Variants in PPP2R3A observed in about 807,000 individuals in gnomAD.
PPP2R3A encodes the protein protein phosphatase 2 regulatory subunit B''alpha, also known as serine/threonine-protein phosphatase 2A regulatory subunit B'' subunit alpha.
A neutral mutation model predicts 106.9 loss-of-function variants in PPP2R3A; 80 were observed. The ratio of observed to expected loss-of-function variants is 0.75; its 90% confidence interval spans 0.62 to 0.90. PPP2R3A has a LOEUF of 0.90. Among genes scored for constraint, PPP2R3A ranks in the 40% least tolerant of loss-of-function variants. The probability of loss-of-function intolerance (pLI) is 0.00; values close to 1 mark genes in which losing one functional copy is unlikely to be tolerated. For missense variants in PPP2R3A, 1,386 were observed against 1,350.4 expected (o/e 1.03, Z -0.41); for synonymous variants, 483 against 468.3 (o/e 1.03, Z -0.41).
intron 1 of PPP2R3A, among the ~76,000 whole-genome samples, chr3:135,966,093 G>C (rs1937073928): frequency 6.6e-6 from 1 of 152,070 alleles, no homozygotes. Context: ...CCGGGACACG[G>C]CACCAGGGAG....
At chr3:135,972,579 T>C in intron 1 of PPP2R3A, among the ~76,000 whole-genome samples, 1 of 152,220 alleles carries the variant, frequency 6.6e-6, no homozygotes, top group South Asian at 2.1e-4. Context: ...TTACATTTTT[T>C]CCAGCAATTT....
At chr3:136,128,527 C>G (rs1467814949) in intron 13 of PPP2R3A, among the ~76,000 whole-genome samples, 2 of 152,052 alleles carry the variant, frequency 1.3e-5, no homozygotes, top group African/African-American at 4.8e-5. Flanking sequence ...AGCAAGTTCT[C>G]AGAGACCTAC....
At chr3:136,086,338 C>T (rs566812689) in intron 8 of PPP2R3A, among the ~76,000 whole-genome samples, 46 of 152,028 alleles carry the variant, frequency 3.0e-4, no homozygotes, top group South Asian at 2.3e-3. Flanking sequence ...AAAAATTAGC[C>T]GGGTGTGGTG....
chr3:136,045,802 T>A (rs541295858), intron 4 of PPP2R3A, among the ~76,000 whole-genome samples: 1 of 152,228 alleles, frequency 6.6e-6, no homozygotes, highest in African/African-American at 2.4e-5. Flanking sequence ...AAATGCCATC[T>A]CCCAGGTTAC....
chr3:136,101,092 G>A (rs6793835), intron 10 of PPP2R3A, among the ~76,000 whole-genome samples: 27,438 of 152,050 alleles, frequency 0.18, 3,087 homozygotes, highest in Non-Finnish European at 0.26. Flanking sequence ...GAAACTGAGC[G>A]AGGCCTAGAG....
At chr3:136,013,482 A>T (rs1934163174) in intron 2 of PPP2R3A, among the ~76,000 whole-genome samples, 1 of 152,090 alleles carries the variant, frequency 6.6e-6, no homozygotes, top group South Asian at 2.1e-4. Flanking sequence ...GCAGTGTAAA[A>T]ATGTTCCCTT....
intron 1 of PPP2R3A, among the ~76,000 whole-genome samples, chr3:135,985,394 CTCTCCCT>C (rs1559852021): frequency 2.0e-5 from 3 of 149,758 alleles, no homozygotes; most frequent in African/African-American, 4.9e-5. Context: ...CTCTCTCCCT[CTCTCCCT>C]CTCTCTCTCG....
At chr3:136,049,786 A>T (rs1419551363) in intron 5 of PPP2R3A, among the ~76,000 whole-genome samples, 1 of 152,210 alleles carries the variant, frequency 6.6e-6, no homozygotes, top group African/African-American at 2.4e-5. Context: ...GATCACTCTC[A>T]CGAACTCTGG....
chr3:136,130,247 G>C (rs754256543), intron 13 of PPP2R3A, among the ~76,000 whole-genome samples: 3 of 152,208 alleles, frequency 2.0e-5, no homozygotes, highest in Non-Finnish European at 2.9e-5. Flanking sequence ...CAGATGCCAT[G>C]ATTGTATATT....
intron 12 of PPP2R3A, among the ~76,000 whole-genome samples, chr3:136,105,029 C>T (rs916254108): frequency 6.6e-5 from 10 of 152,144 alleles, no homozygotes; most frequent in South Asian, 2.1e-4. Flanking sequence ...AAATTCTGGG[C>T]ACTGTGTTGA....
intron 5 of PPP2R3A, among the ~76,000 whole-genome samples, chr3:136,066,708 C>T (rs907553170): frequency 1.3e-5 from 2 of 151,992 alleles, no homozygotes; most frequent in African/African-American, 4.8e-5. Flanking sequence ...TTTTAAACAA[C>T]CAGATCTCAT....
chr3:135,977,688 CTTTTTTT>C (rs66592538), intron 1 of PPP2R3A, among the ~76,000 whole-genome samples: 2 of 61,126 alleles, frequency 3.3e-5, no homozygotes, highest in East Asian at 4.7e-4. Flanking sequence ...GATCAGCATT[CTTTTTTT>C]TTTTTTTTTT....
intron 2 of PPP2R3A, among the ~76,000 whole-genome samples, chr3:136,005,044 C>T (rs1273839037): frequency 6.6e-6 from 1 of 152,080 alleles, no homozygotes; most frequent in East Asian, 1.9e-4. Context: ...TGTTGAGCAT[C>T]CAAAATCCAA....
intron 3 of PPP2R3A, among the ~76,000 whole-genome samples, chr3:136,029,183 T>G (rs776219156): frequency 6.6e-6 from 1 of 152,202 alleles, no homozygotes; most frequent in Non-Finnish European, 1.5e-5. Context: ...ACAGAAGGTT[T>G]CATGGATTGC....
intron 13 of PPP2R3A, among the ~76,000 whole-genome samples, chr3:136,143,121 A>ACTGGTAGTCATAGGGAACAATTTTCT (rs1438986048): frequency 1.3e-5 from 2 of 152,234 alleles, no homozygotes; most frequent in Non-Finnish European, 2.9e-5. Context: ...AGTATCATAA[A>ACTGGTAGTCATAGGGAACAATTTTCT]CTGGTAGTCA....
At chr3:135,985,876 G>A (rs543833489) in intron 1 of PPP2R3A, among the ~76,000 whole-genome samples, 2 of 152,292 alleles carry the variant, frequency 1.3e-5, no homozygotes, top group South Asian at 4.1e-4. Flanking sequence ...CAGAAATAGT[G>A]TTGGAGTGAC....
chr3:136,050,208 T>A (rs1935636267), intron 5 of PPP2R3A, among the ~76,000 whole-genome samples: 1 of 152,240 alleles, frequency 6.6e-6, no homozygotes, highest in African/African-American at 2.4e-5. Context: ...AATGGCACTG[T>A]ACTTCTCATT....
chr3:136,091,120 G>C (rs1366813017), intron 10 of PPP2R3A, among the ~76,000 whole-genome samples: 1 of 152,162 alleles, frequency 6.6e-6, no homozygotes, highest in Non-Finnish European at 1.5e-5. Context: ...CTTGATTGGA[G>C]TTATTAATTT....
chr3:136,002,579 A>G lies in PPP2R3A; in HGVS notation c.1081A>G (p.Arg361Gly). 6.2e-7 allele frequency: 1 copy of G among 1,613,958 alleles called. No homozygotes were observed. The highest frequency in any genetic ancestry group is 8.5e-7 in the Non-Finnish European group (1 of 1,179,864). ...ATTGCAAAATGACAAGCCTAATTCTAGGAAGATGGACACTGTACAATCCAT... is the reference window on the plus strand; with the variant it reads ...ATTGCAAAATGACAAGCCTAATTCTGGGAAGATGGACACTGTACAATCCAT... ...IELQNDKPNS[R>G]KMDTVQSIPN... Residue 361 changes from arginine (R) to glycine (G), a missense_variant, in exon 2 of 14, where the codon AGG (arginine) becomes GGG (glycine). Arg to Gly is a moderately radical substitution (Grantham distance 125). Coordinates refer to ENST00000264977, the MANE Select transcript of PPP2R3A (RefSeq NM_002718.5).
Sources: gnomAD v4.1 joint callset for allele counts (sites outside exome capture counted in the v4.1 genomes callset) on GRCh38, gnomAD v4.1.1 for gene constraint, MANE v1.5 for transcripts, NCBI Gene and HGNC (gene_info 2026-07-23, HGNC 2026-07-21) for gene names.